The following CHL1 variants were observed in gnomAD, a reference collection of about 807,000 sequenced individuals.
CHL1 encodes the protein cell adhesion molecule L1 like, also known as neural cell adhesion molecule L1-like protein.
A neutral mutation model predicts 141.9 loss-of-function variants in CHL1; 96 were observed. The ratio of observed to expected loss-of-function variants is 0.68; its 90% CI spans 0.57 to 0.80. CHL1 has a LOEUF of 0.80. CHL1 is among the 30% of genes least tolerant of loss of function. The pLI is 0.00. For synonymous variants in CHL1, 613 were observed against 502.2 expected, an observed-to-expected ratio of 1.22 and a Z score of -2.95; for missense variants, 1,820 against 1,457.2, an observed-to-expected ratio of 1.25 and a Z score of -4.05.
At chr3:388,578 A>C (rs921731632) in intron 19 of CHL1, among the ~76,000 whole-genome samples, 1 of 152,126 alleles carries the variant, frequency 6.6e-6, no homozygotes, top group Non-Finnish European at 1.5e-5. Flanking sequence ...GAAACGAAAA[A>C]AAAAGTTATT....
intron 2 of CHL1, among the ~76,000 whole-genome samples, chr3:274,178 A>G (rs1559366323): frequency 1.3e-5 from 2 of 152,130 alleles, no homozygotes; most frequent in Non-Finnish European, 2.9e-5. Flanking sequence ...TAACTAACCT[A>G]TACATCCTCC....
chr3:201,043 C>G (rs1227247716), intron 1 of CHL1, among the ~76,000 whole-genome samples: 1 of 152,176 alleles, frequency 6.6e-6, no homozygotes, highest in Non-Finnish European at 1.5e-5. Flanking sequence ...AGTTTATCTT[C>G]TGAGAATAAA....
At chr3:246,455 G>A (rs2079897821) in intron 2 of CHL1, 2 of 151,920 alleles carry the variant, frequency 1.3e-5, no homozygotes, top group South Asian at 2.1e-4. Context: ...CATTGTGCTA[G>A]GGAAATCAGC....
intron 2 of CHL1, among the ~76,000 whole-genome samples, chr3:317,345 A>G (rs1256689738): frequency 6.6e-6 from 1 of 152,008 alleles, no homozygotes; most frequent in African/African-American, 2.4e-5. Context: ...TACTGCCCTA[A>G]GTCAAGAGAT....
At chr3:396,761 G>C (rs1378881805) in intron 24 of CHL1, among the ~76,000 whole-genome samples, 3 of 151,990 alleles carry the variant, frequency 2.0e-5, no homozygotes, top group Non-Finnish European at 2.9e-5. Context: ...TTCCCGAGTT[G>C]ACACTGATTT....
At position 408,261 on chromosome 3, in the gene CHL1, C is replaced by T. The variant is rs949667044; in HGVS notation, c.*2550C>T. On this transcript the variant is annotated 3_prime_UTR_variant, in exon 28 of 28. Coordinates refer to ENST00000256509, the MANE Select transcript of CHL1 (RefSeq NM_006614.4). The stretch of plus-strand genomic sequence containing the variant: ...AAACTTTGTTCGTTACTGGCTTTAC[C>T]CTAACTTTCTCTAGTCTACTGTCAA... The T allele has an allele frequency of 1.3e-5, 2 of 151,988 alleles. No homozygotes were observed. Among genetic ancestry groups the T allele is most frequent in the Non-Finnish European group, 2.9e-5 (2 of 67,984 alleles). The allele number at this position is 151,988 out of a possible 1,614,324, so 9.4% of individuals were successfully genotyped here.
At chr3:405,273 T>C (rs73814771) in intron 27 of CHL1, among the ~76,000 whole-genome samples, 2,322 of 152,160 alleles carry the variant, frequency 0.015, 59 homozygotes, top group African/African-American at 0.052. Flanking sequence ...TAATGAAAAA[T>C]TGTTTGGTGG....
At chr3:315,470 T>A (rs1216222304) in intron 2 of CHL1, among the ~76,000 whole-genome samples, 1 of 152,128 alleles carries the variant, frequency 6.6e-6, no homozygotes, top group Non-Finnish European at 1.5e-5. Flanking sequence ...TAATATGAAT[T>A]TAAATTAAGG....
intron 23 of CHL1, among the ~76,000 whole-genome samples, chr3:393,137 G>A (rs1227498051): frequency 2.7e-5 from 4 of 148,458 alleles, no homozygotes; most frequent in Middle Eastern, 3.6e-3. Flanking sequence ...GGCGGCTGAG[G>A]CAGGAGAATG....
chr3:300,583 G>A (rs894832824), intron 2 of CHL1, among the ~76,000 whole-genome samples: 1 of 152,048 alleles, frequency 6.6e-6, no homozygotes, highest in South Asian at 2.1e-4. Context: ...TATTCATGGG[G>A]TGCCTATTCT....
At chr3:349,305 T>C (rs1703039287) in intron 9 of CHL1, 54 bp from the exon 10 acceptor site, 2 of 1,453,216 alleles carry the variant, frequency 1.4e-6, no homozygotes, top group South Asian at 1.2e-5. Flanking sequence ...GTTTTCTTTG[T>C]ATTTTACTTT....
intron 5 of CHL1, among the ~76,000 whole-genome samples, chr3:332,460 A>G (rs1279467452): frequency 6.6e-6 from 1 of 152,184 alleles, no homozygotes; most frequent in Non-Finnish European, 1.5e-5. Flanking sequence ...GGTGATGACG[A>G]TATTCCTATT....
intron 1 of CHL1, among the ~76,000 whole-genome samples, chr3:205,407 C>G (rs965906295): frequency 2.0e-4 from 30 of 152,286 alleles, no homozygotes; most frequent in African/African-American, 6.5e-4. Context: ...AGCCACCTTA[C>G]ACAGCCCAGA....
chr3:276,328 G>T (rs1696096014), intron 2 of CHL1, among the ~76,000 whole-genome samples: 1 of 152,178 alleles, frequency 6.6e-6, no homozygotes, highest in African/African-American at 2.4e-5. Flanking sequence ...GGTTGGGATT[G>T]TCACAACATT....
intron 5 of CHL1, among the ~76,000 whole-genome samples, chr3:339,651 A>G (rs569960484): frequency 6.6e-6 from 1 of 152,208 alleles, no homozygotes; most frequent in Non-Finnish European, 1.5e-5. Context: ...AAAGCAATTC[A>G]CTGTAACCAG....
chr3:337,878 GTA>G (rs765788203), intron 5 of CHL1, among the ~76,000 whole-genome samples: 11 of 152,094 alleles, frequency 7.2e-5, no homozygotes, highest in Non-Finnish European at 1.5e-4. Context: ...AATCCTTTGG[GTA>G]TATACCCAGT....
At chr3:380,962 A>G (rs1404722150) in intron 16 of CHL1, among the ~76,000 whole-genome samples, 2 of 152,218 alleles carry the variant, frequency 1.3e-5, no homozygotes, top group Non-Finnish European at 2.9e-5. Context: ...ATAAACAAAT[A>G]TGTACTGGAC....
intron 24 of CHL1, among the ~76,000 whole-genome samples, 162 bp downstream of exon 24, chr3:395,034 G>T (rs1454601588): frequency 1.3e-5 from 2 of 152,190 alleles, no homozygotes; most frequent in Non-Finnish European, 2.9e-5. Context: ...CATAGAGGCA[G>T]AATTTATTAA....
At chr3:292,046 C>T (rs556187258) in intron 2 of CHL1, among the ~76,000 whole-genome samples, 3 of 152,310 alleles carry the variant, frequency 2.0e-5, no homozygotes, top group East Asian at 1.9e-4. Context: ...TCCTCTTGCA[C>T]GTTTCAGAGT....
Sources: allele counts gnomAD v4.1 joint callset (sites outside exome capture counted in the v4.1 genomes callset), GRCh38; gene constraint gnomAD v4.1.1; transcripts MANE v1.5; gene names NCBI Gene and HGNC (gene_info 2026-07-23, HGNC 2026-07-21).